The following SLC35F3 variants were observed in gnomAD, a reference collection of about 807,000 sequenced individuals.
The protein encoded by SLC35F3 is putative thiamine transporter SLC35F3.
In SLC35F3, 25 loss-of-function variants were observed where a neutral mutation model predicts 49.9. The observed-to-expected ratio is 0.50, with a 90% CI of 0.37 to 0.70. The LOEUF is 0.70. Among genes scored for constraint, SLC35F3 ranks in the 30% least tolerant of loss-of-function variants. SLC35F3 has a pLI of 0.00. For synonymous variants in SLC35F3, 275 were observed against 265.4 expected, an observed-to-expected ratio of 1.04 and a Z score of -0.35; for missense variants, 525 against 639.8, an observed-to-expected ratio of 0.82 and a Z score of 1.94.
chr1:233,950,800 ATCTGCTTGTTT>A (rs1375594045), intron 2 of SLC35F3, among the ~76,000 whole-genome samples: 2 of 152,070 alleles, frequency 1.3e-5, no homozygotes, highest in Admixed American at 1.3e-4. Flanking sequence ...TTATTAATTT[ATCTGCTTGTTT>A]TCTGTCTTCC....
Position 234,126,476 on chromosome 1 carries a change from C to CGTGTGTGTGTGTGTGT in SLC35F3, c.284-104941_284-104940insGTGTGTGTGTGTGTGT, listed in dbSNP as rs147108235. Among the ~76,000 whole-genome samples the CGTGTGTGTGTGTGTGT allele has an allele frequency of 4.0e-3, 479 of 119,366 alleles. 3 individuals carry two copies. Among genetic ancestry groups the CGTGTGTGTGTGTGTGT allele is most frequent in the South Asian group, 7.4e-3 (25 of 3,364 alleles). 78.3% of individuals were successfully genotyped at this position (119,366 alleles called of 152,430 possible). A position where few individuals can be genotyped will look rare whatever the true frequency, so the allele number is the denominator to read the frequency against. On this transcript the variant is annotated intron_variant, in intron 2 of 7. Transcript: ENST00000366618. ...AATCCACTGATCTGCCCCTGTTTTA[C>CGTGTGTGTGTGTGTGT]ATGTGTGTGTGTGTGTATTTAGTTC...
intron 2 of SLC35F3, among the ~76,000 whole-genome samples, chr1:234,196,221 C>T (rs748384766): frequency 4.6e-5 from 7 of 152,212 alleles, no homozygotes; most frequent in African/African-American, 1.2e-4. Flanking sequence ...ATGGCAACAA[C>T]CTCATGACCC....
At chr1:234,075,317 A>C (rs1664776119) in intron 2 of SLC35F3, among the ~76,000 whole-genome samples, 1 of 152,230 alleles carries the variant, frequency 6.6e-6, no homozygotes, top group Non-Finnish European at 1.5e-5. Context: ...CCCCACATGC[A>C]TGCCAAGCCC....
intron 2 of SLC35F3, among the ~76,000 whole-genome samples, chr1:234,196,768 C>T (rs558596863): frequency 7.9e-5 from 12 of 152,258 alleles, no homozygotes; most frequent in East Asian, 3.9e-4. Flanking sequence ...GGTGAAACCT[C>T]GTCTCTACTA....
At chr1:234,302,339 A>G (rs762575772) in intron 3 of SLC35F3, among the ~76,000 whole-genome samples, 4 of 152,192 alleles carry the variant, frequency 2.6e-5, no homozygotes, top group Non-Finnish European at 5.9e-5. Context: ...TTCTCAGAGT[A>G]AGATGAACAC....
chr1:234,164,215 A>G (rs111710490), intron 2 of SLC35F3, among the ~76,000 whole-genome samples: 1 of 144,656 alleles, frequency 6.9e-6, no homozygotes, highest in Non-Finnish European at 1.5e-5. Flanking sequence ...ATTTCTATCT[A>G]TTTCTTTATC....
intron 3 of SLC35F3, among the ~76,000 whole-genome samples, chr1:234,275,752 GAAAA>G (rs71576411): frequency 7.2e-6 from 1 of 139,040 alleles, no homozygotes; most frequent in Admixed American, 7.1e-5. Flanking sequence ...GGTAAGTATT[GAAAA>G]AAAAAAAATA....
intron 2 of SLC35F3, among the ~76,000 whole-genome samples, chr1:233,999,086 T>A (rs1317557590): frequency 6.6e-6 from 1 of 152,140 alleles, no homozygotes; most frequent in African/African-American, 2.4e-5. Flanking sequence ...GCATTAGGGA[T>A]CTGGATATGA....
chr1:234,226,107 T>A (rs1572103205), intron 2 of SLC35F3, among the ~76,000 whole-genome samples: 1 of 152,248 alleles, frequency 6.6e-6, no homozygotes, highest in Non-Finnish European at 1.5e-5. Context: ...GGTTTCACAA[T>A]TCAAATTTGC....
At chr1:234,232,940 A>C (rs986092311) in intron 3 of SLC35F3, among the ~76,000 whole-genome samples, 2 of 152,180 alleles carry the variant, frequency 1.3e-5, no homozygotes, top group African/African-American at 4.8e-5. Context: ...CCAACTTGTA[A>C]ATCAGAGCAC....
intron 2 of SLC35F3, among the ~76,000 whole-genome samples, chr1:234,127,469 G>T (rs1420224334): frequency 1.3e-5 from 2 of 152,170 alleles, no homozygotes; most frequent in East Asian, 3.9e-4. Flanking sequence ...TGCTGCATGG[G>T]TGAGATCCTT....
Position 234,295,608 on chromosome 1 carries a change from C to G in SLC35F3, c.609-13493C>G, listed in dbSNP as rs547779683. Among the ~76,000 whole-genome samples, 35 of 152,346 alleles carry G rather than the reference C, an allele frequency of 2.3e-4. No homozygotes were observed. The South Asian group carries it at 6.4e-3, about 28-fold the overall frequency. ...TTTCCACACTGTTAGAATCCTAGAT[C>G]CCTGAAATGTGGTGTGGGGGTACAA... On this transcript the variant is annotated intron_variant, in intron 3 of 7. Coordinates refer to ENST00000366618, the MANE Select transcript of SLC35F3 (RefSeq NM_173508.4).
chr1:234,018,213 A>G (rs1663834802), intron 2 of SLC35F3, among the ~76,000 whole-genome samples: 1 of 152,228 alleles, frequency 6.6e-6, no homozygotes, highest in African/African-American at 2.4e-5. Flanking sequence ...TGAACTTGCA[A>G]ATACAGAATC....
At chr1:234,272,942 C>T (rs1295972021) in intron 3 of SLC35F3, among the ~76,000 whole-genome samples, 3 of 152,308 alleles carry the variant, frequency 2.0e-5, no homozygotes, top group African/African-American at 4.8e-5. Flanking sequence ...TGGAAGCCCG[C>T]GCAGGACAGT....
intron 2 of SLC35F3, among the ~76,000 whole-genome samples, chr1:234,056,014 T>C (rs1477343728): frequency 3.3e-5 from 5 of 152,212 alleles, no homozygotes; most frequent in Non-Finnish European, 2.9e-5. Context: ...TGTAACTTTG[T>C]AGCTTGTTTT....
chr1:233,946,492 A>T (rs931933535), intron 2 of SLC35F3, among the ~76,000 whole-genome samples: 1 of 152,246 alleles, frequency 6.6e-6, no homozygotes, highest in Non-Finnish European at 1.5e-5. Context: ...GTTGCAAATT[A>T]TCCCATTGCT....
chr1:234,315,432 A>G (rs1657465736), intron 4 of SLC35F3, among the ~76,000 whole-genome samples: 1 of 152,186 alleles, frequency 6.6e-6, no homozygotes, highest in Non-Finnish European at 1.5e-5. Context: ...TATATATGTA[A>G]GCACCAACTT....
rs369277069 is a variant in SLC35F3, at chr1:234,227,392, C to CTTTTTTTTTTT, written c.284-4011_284-4001dup. Among the ~76,000 whole-genome samples the CTTTTTTTTTTT allele has an allele frequency of 1.1e-3, 121 of 108,686 alleles. 1 individual carries two copies. Among genetic ancestry groups the CTTTTTTTTTTT allele is most frequent in the Non-Finnish European group, 1.9e-3 (94 of 50,210 alleles). The allele number at this position is 108,686 out of a possible 152,430, so 71.3% of individuals were successfully genotyped here. Reference sequence around the variant, plus strand: ...TCCTTGAGGCACTGCCTCTTTCTTTCTTTTTTTTTTTTTTTTTTTTTTTTG... The same window carrying CTTTTTTTTTTT: ...TCCTTGAGGCACTGCCTCTTTCTTTCTTTTTTTTTTTTTTTTTTTTTTTTTTTTTTTTTTTG... On this transcript the variant is annotated intron_variant, in intron 2 of 7. Transcript: ENST00000366618.
At chr1:234,194,119 G>A (rs142322990) in intron 2 of SLC35F3, among the ~76,000 whole-genome samples, 2,449 of 133,392 alleles carry the variant, frequency 0.018, 69 homozygotes, top group African/African-American at 0.056. Context: ...TATACCCAGA[G>A]GAAAAGAAGT....
Sources: gnomAD v4.1 joint callset for allele counts (sites outside exome capture counted in the v4.1 genomes callset) on GRCh38, gnomAD v4.1.1 for gene constraint, MANE v1.5 for transcripts, NCBI Gene and HGNC (gene_info 2026-07-23, HGNC 2026-07-21) for gene names.